Variants in MACIR observed in about 807,000 individuals in gnomAD.
MACIR encodes macrophage immunometabolism regulator.
MACIR carries 4 observed loss-of-function variants against 14.3 expected under a neutral mutation model. The ratio of observed to expected loss-of-function variants is 0.28; its 90% CI spans 0.14 to 0.64. The LOEUF (loss-of-function observed/expected upper bound fraction) is 0.64, where lower values mean the gene tolerates loss of function less well. Among genes scored for constraint, MACIR ranks in the 30% least tolerant of loss-of-function variants. The pLI, the probability that MACIR is intolerant of heterozygous loss-of-function variation, is 0.83. For missense variants in MACIR, 228 were observed against 257.6 expected, an observed-to-expected ratio of 0.89 and a Z score of 0.79; for synonymous variants, 101 against 102.4, an observed-to-expected ratio of 0.99 and a Z score of 0.08.
chr5:103,274,844 G>A (rs911663147), intron 2 of MACIR, among the ~76,000 whole-genome samples: 14 of 152,172 alleles, frequency 9.2e-5, no homozygotes, highest in African/African-American at 2.6e-4. Context: ...ACTTAAAACC[G>A]TGTTATCTAC....
At chr5:103,273,564 C>G (rs1805211406) in intron 2 of MACIR, among the ~76,000 whole-genome samples, 1 of 152,126 alleles carries the variant, frequency 6.6e-6, no homozygotes, top group Non-Finnish European at 1.5e-5. Flanking sequence ...TCTTCAACCC[C>G]CAAGGATTCT....
chr5:103,264,300 T>G (rs1804844764), intron 1 of MACIR, among the ~76,000 whole-genome samples: 1 of 152,150 alleles, frequency 6.6e-6, no homozygotes, highest in Admixed American at 6.5e-5. Context: ...TAAAGAGTAC[T>G]TTAAAAATGG....
In MACIR at chr5:103,277,918, C is replaced by T. The variant is rs1805395300; in HGVS notation, c.*1378C>T. On this transcript the variant is annotated 3_prime_UTR_variant, in exon 3 of 3. Coordinates refer to ENST00000319933, the MANE Select transcript of MACIR (RefSeq NM_033211.4). ...AATCTTGCTTATAAAATAAGAACACCTTTTAATTAATGAGTGGGTCATTCC... is the reference window on the plus strand; with the variant it reads ...AATCTTGCTTATAAAATAAGAACACTTTTTAATTAATGAGTGGGTCATTCC... 1.2e-5 allele frequency: 2 copies of T among 166,894 alleles called. No homozygotes were observed. The highest frequency in any genetic ancestry group is 2.9e-5 in the Non-Finnish European group (2 of 68,072). The allele number at this position is 166,894 out of a possible 1,614,324, so 10.3% of individuals were successfully genotyped here. A position where few individuals can be genotyped will look rare whatever the true frequency, so the allele number is the denominator to read the frequency against.
chr5:103,275,984 A>G lies in MACIR; in HGVS notation c.65A>G (p.Glu22Gly). Residue 22 changes from glutamate to glycine, a missense_variant, in exon 3 of 3, where the codon GAG (glutamate) becomes GGG (glycine). Physicochemically the swap from Glu to Gly is moderately conservative, Grantham distance 98. Coordinates refer to ENST00000319933, the MANE Select transcript of MACIR (RefSeq NM_033211.4). ...TLTTLPFPGA[E>G]ANSPGKAEAE... ...ACCACCTTGCCCTTCCCTGGGGCTG[A>G]GGCCAACTCCCCGGGAAAGGCGGAG... The G allele has an allele frequency of 1.2e-6, 2 of 1,614,062 alleles. No individual in the cohort carries two copies. The highest frequency in any genetic ancestry group is 4.5e-5 in the East Asian group (2 of 44,870).
intron 1 of MACIR, among the ~76,000 whole-genome samples, chr5:103,262,699 G>T (rs577011852): frequency 6.6e-6 from 1 of 152,220 alleles, no homozygotes; most frequent in Admixed American, 6.5e-5. Context: ...CCACTGCTTG[G>T]TTTTTTCCTA....
At chr5:103,263,810 A>G (rs1290882105) in intron 1 of MACIR, among the ~76,000 whole-genome samples, 1 of 152,178 alleles carries the variant, frequency 6.6e-6, no homozygotes, top group Non-Finnish European at 1.5e-5. Flanking sequence ...TAAAGCGGAA[A>G]TATATAACTG....
chr5:103,259,609 T>G (rs1554236019), intron 1 of MACIR: 1 of 152,372 alleles, frequency 6.6e-6, no homozygotes, highest in Non-Finnish European at 1.5e-5. Context: ...TCGTCCTGGT[T>G]GCAACCCGCG....
rs1371631059 is a variant in MACIR at position 103,261,564 on chromosome 5, G to GT, written c.-114+2676dup. 1.3e-4 allele frequency among the ~76,000 whole-genome samples: 19 copies of GT among 151,636 alleles called. No individual in the cohort carries two copies. In the East Asian group the frequency reaches 2.5e-3, roughly 20 times the overall value. Reference sequence around the variant, plus strand: ...TTTGAAAGAATTTTTAAAAATTGATGTTTTTTTTCCAAGTGCTTTTCCATT... The same window carrying GT: ...TTTGAAAGAATTTTTAAAAATTGATGTTTTTTTTTCCAAGTGCTTTTCCATT... On this transcript the variant is annotated intron_variant, in intron 1 of 2. Transcript: ENST00000319933.
upstream of MACIR, chr5:103,258,632 G>A (rs1554235850): frequency 6.5e-6 from 1 of 153,050 alleles, no homozygotes; most frequent in Admixed American, 6.5e-5. Context: ...GGCGGGCTCA[G>A]CGCTGACGGG....
intron 1 of MACIR, among the ~76,000 whole-genome samples, chr5:103,261,946 T>C (rs540399899): frequency 1.3e-5 from 2 of 152,168 alleles, no homozygotes; most frequent in African/African-American, 2.4e-5. Context: ...TATAGTCTTA[T>C]GATTTGTGAT....
At chr5:103,275,625 G>T (rs1321486693) in intron 2 of MACIR, among the ~76,000 whole-genome samples, 2 of 152,154 alleles carry the variant, frequency 1.3e-5, no homozygotes, top group African/African-American at 4.8e-5. Flanking sequence ...GAGAAGTATT[G>T]TTGTTGTTGT....
intron 1 of MACIR, among the ~76,000 whole-genome samples, chr5:103,261,682 C>CTTTTCTTTTCT (rs1469674229): frequency 4.0e-5 from 5 of 123,608 alleles, no homozygotes; most frequent in African/African-American, 1.3e-4. Flanking sequence ...TTCTTTCTTT[C>CTTTTCTTTTCT]TTTCTTTCTT....
intron 1 of MACIR, among the ~76,000 whole-genome samples, chr5:103,260,073 GTGTT>G (rs1360050677): frequency 1.6e-3 from 142 of 88,220 alleles, no homozygotes; most frequent in African/African-American, 4.2e-3. Context: ...GTGTGTGTGT[GTGTT>G]TGTGTGTGTG....
At chr5:103,269,174 C>T (rs547976377) in intron 2 of MACIR, among the ~76,000 whole-genome samples, 16 of 152,240 alleles carry the variant, frequency 1.1e-4, no homozygotes, top group Middle Eastern at 6.8e-3. Flanking sequence ...CCCTACTGCA[C>T]TCCAGCATGG....
intron 1 of MACIR, among the ~76,000 whole-genome samples, chr5:103,261,533 C>G (rs532325216): frequency 3.3e-5 from 5 of 152,144 alleles, no homozygotes; most frequent in African/African-American, 9.6e-5. Context: ...AAAATATTTT[C>G]ACTATTTTGA....
chr5:103,259,694 G>A (rs1233763478), intron 1 of MACIR: 1 of 152,470 alleles, frequency 6.6e-6, no homozygotes, highest in African/African-American at 2.4e-5. Context: ...CCGTGTGTGC[G>A]CGTGTGGATT....
intron 2 of MACIR, among the ~76,000 whole-genome samples, chr5:103,268,235 T>C (rs574661972): frequency 6.6e-6 from 1 of 152,334 alleles, no homozygotes; most frequent in South Asian, 2.1e-4. Context: ...GAACATTTAT[T>C]CAATTTTATA....
intron 1 of MACIR, among the ~76,000 whole-genome samples, chr5:103,261,674 C>CT (rs1280760323): frequency 4.0e-5 from 5 of 125,094 alleles, no homozygotes; most frequent in African/African-American, 9.7e-5. Flanking sequence ...TTCTTTCTTT[C>CT]TTTCTTTCTT....
chr5:103,268,635 C>T (rs568593469), intron 2 of MACIR, among the ~76,000 whole-genome samples: 5 of 152,310 alleles, frequency 3.3e-5, no homozygotes, highest in Admixed American at 3.3e-4. Flanking sequence ...TCTTTTACAA[C>T]TTGCAGAACC....
Sources: gnomAD v4.1 joint callset for allele counts (sites outside exome capture counted in the v4.1 genomes callset) on GRCh38, gnomAD v4.1.1 for gene constraint, MANE v1.5 for transcripts, NCBI Gene and HGNC (gene_info 2026-07-23, HGNC 2026-07-21) for gene names.